Variants in CEMIP2 observed in about 807,000 individuals in gnomAD.
CEMIP2 encodes cell surface hyaluronidase CEMIP2.
CEMIP2 carries 79 observed loss-of-function variants against 146.9 expected under a neutral mutation model. That is an observed-to-expected ratio of 0.54 (90% CI 0.45 to 0.65). CEMIP2 has a LOEUF of 0.65. CEMIP2 is among the 30% of genes least tolerant of loss of function. CEMIP2 has a pLI of 0.00. For synonymous variants in CEMIP2, 601 were observed against 606.3 expected (o/e 0.99, Z 0.13); for missense variants, 1,596 against 1,696.2 (o/e 0.94, Z 1.04).
intron 11 of CEMIP2, among the ~76,000 whole-genome samples, chr9:71,724,999 G>C (rs1390231821): frequency 6.8e-6 from 1 of 147,172 alleles, no homozygotes; most frequent in African/African-American, 2.4e-5. Flanking sequence ...TAATTATTCA[G>C]GTTACACGTG....
Position 71,728,273 on chromosome 9 carries a change from A to ATACG in CEMIP2, c.2049+1571_2049+1572insCGTA, listed in dbSNP as rs1554684704. On this transcript the variant is annotated intron_variant, in intron 10 of 23. Transcript: ENST00000377044. ...TATGTATATACACGTATATATATAT[A>ATACG]TATATATGTATATATATATATATAT... 8.3e-4 allele frequency among the ~76,000 whole-genome samples: 8 copies of ATACG among 9,620 alleles called. 2 individuals carry two copies. Among genetic ancestry groups the ATACG allele is most frequent in the African/African-American group, 1.2e-3 (6 of 5,130 alleles). 6.3% of individuals were successfully genotyped at this position (9,620 alleles called of 152,430 possible).
At chr9:71,766,239 T>C (rs553806784) in intron 1 of CEMIP2, among the ~76,000 whole-genome samples, 19 of 151,970 alleles carry the variant, frequency 1.3e-4, no homozygotes, top group East Asian at 3.9e-4. Flanking sequence ...TGGCTAATTT[T>C]TTTTTGTATT....
intron 1 of CEMIP2, among the ~76,000 whole-genome samples, chr9:71,756,766 G>A (rs1206483242): frequency 6.6e-6 from 1 of 152,112 alleles, no homozygotes; most frequent in Non-Finnish European, 1.5e-5. Flanking sequence ...ATTAACAACT[G>A]CAGGAAGGAA....
chr9:71,727,175 A>G (rs1235709583), intron 10 of CEMIP2, among the ~76,000 whole-genome samples: 1 of 152,212 alleles, frequency 6.6e-6, no homozygotes, highest in African/African-American at 2.4e-5. Context: ...GAGCCACAGT[A>G]AGGGTATCTG....
At chr9:71,729,736 T>G (rs557090455) in intron 10 of CEMIP2, 109 bp downstream of exon 10, 3 of 1,023,850 alleles carry the variant, frequency 2.9e-6, no homozygotes, top group African/African-American at 3.2e-5. Flanking sequence ...CAGAAAACAA[T>G]GTCATGCTTG....
chr9:71,694,386 G>T, intron 21 of CEMIP2, 123 bp downstream of exon 21: 1 of 685,912 alleles, frequency 1.5e-6, no homozygotes, highest in Non-Finnish European at 2.6e-6. Flanking sequence ...GCCTCCCAAA[G>T]TGCTGGGATC....
At chr9:71,753,598 C>T (rs909133863) in intron 1 of CEMIP2, among the ~76,000 whole-genome samples, 2 of 152,058 alleles carry the variant, frequency 1.3e-5, no homozygotes, top group Admixed American at 1.3e-4. Flanking sequence ...ATACAAGATT[C>T]TTTTCATAAG....
intron 18 of CEMIP2, among the ~76,000 whole-genome samples, chr9:71,703,792 T>G (rs1231600820): frequency 6.6e-6 from 1 of 152,190 alleles, no homozygotes; most frequent in Non-Finnish European, 1.5e-5. Context: ...GAACTGGCCC[T>G]TTCCCAACAC....
intron 18 of CEMIP2, among the ~76,000 whole-genome samples, chr9:71,702,713 T>C (rs780764439): frequency 5.9e-5 from 9 of 152,184 alleles, no homozygotes; most frequent in Non-Finnish European, 2.9e-5. Flanking sequence ...GGTAAAAAAT[T>C]GTCCATCTCT....
chr9:71,716,514 A>G lies in CEMIP2; in HGVS notation c.2435+3T>C, dbSNP rs577030940. 2.5e-6 allele frequency: 4 copies of G among 1,589,976 alleles called. No individual in the cohort carries two copies. Among genetic ancestry groups the G allele is most frequent in the South Asian group, 1.2e-5 (1 of 86,156 alleles). ...AAGTAAGTATTTTTAAGCAATTACA[A>G]ACCTGGCAAAGGTCAGTCCTATTCC... On this transcript the variant is annotated splice_donor_region_variant and intron_variant, in intron 14 of 23. Coordinates refer to ENST00000377044, the MANE Select transcript of CEMIP2 (RefSeq NM_013390.3).
chr9:71,703,401 T>C (rs576309815), intron 18 of CEMIP2, among the ~76,000 whole-genome samples: 4 of 152,262 alleles, frequency 2.6e-5, no homozygotes, highest in African/African-American at 9.6e-5. Context: ...TCAGAGCACA[T>C]GCCAGAGCCC....
chr9:71,684,977 C>A lies in CEMIP2; in HGVS notation c.*220G>T, dbSNP rs1464056780. 3 of 481,486 alleles carry A rather than the reference C, an allele frequency of 6.2e-6. No individual in the cohort carries two copies. Among genetic ancestry groups the A allele is most frequent in the Non-Finnish European group, 1.1e-5 (3 of 273,826 alleles). The allele number at this position is 481,486 out of a possible 1,614,324, so 29.8% of individuals were successfully genotyped here. On this transcript the variant is annotated 3_prime_UTR_variant, in exon 24 of 24. Transcript: ENST00000377044. Reference sequence around the variant, plus strand: ...ATAAGAGATCTGCTCTCTGAATACACCAGCCTTACAAATACAAACAACGTC... The same window carrying A: ...ATAAGAGATCTGCTCTCTGAATACAACAGCCTTACAAATACAAACAACGTC...
rs891549071 is a variant in CEMIP2, at chr9:71,745,868, T to G, written c.473-289A>C. Among the ~76,000 whole-genome samples, 4 of 152,312 alleles carry G rather than the reference T, an allele frequency of 2.6e-5. No homozygotes were observed. In the South Asian group the frequency reaches 6.2e-4, roughly 24 times the overall value. Reference sequence around the variant, plus strand: ...TCTTATTTTTGTATATGTTTACTCATGTTAACTCTCAGAATTGTGACAAAA... The same window carrying G: ...TCTTATTTTTGTATATGTTTACTCAGGTTAACTCTCAGAATTGTGACAAAA... On this transcript the variant is annotated intron_variant, in intron 3 of 23. Transcript: ENST00000377044.
chr9:71,704,942 C>T (rs1822691781), intron 17 of CEMIP2, 139 bp from the exon 18 acceptor site: 6 of 720,256 alleles, frequency 8.3e-6, no homozygotes, highest in Non-Finnish European at 1.4e-5. Flanking sequence ...GAGCAGCAGC[C>T]AACTACATCC....
intron 17 of CEMIP2, among the ~76,000 whole-genome samples, chr9:71,707,196 C>T (rs962068998): frequency 2.0e-5 from 3 of 152,142 alleles, no homozygotes; most frequent in Non-Finnish European, 2.9e-5. Context: ...GATGGGTAAA[C>T]TTAATTTGGG....
chr9:71,734,024 A>G (rs1166576267), intron 6 of CEMIP2, among the ~76,000 whole-genome samples: 1 of 151,756 alleles, frequency 6.6e-6, no homozygotes, highest in Non-Finnish European at 1.5e-5. Flanking sequence ...TTTTTTGTAT[A>G]TTTAGTAGAG....
At chr9:71,714,442 C>T (rs1822992170) in intron 15 of CEMIP2, among the ~76,000 whole-genome samples, 1 of 152,064 alleles carries the variant, frequency 6.6e-6, no homozygotes, top group Non-Finnish European at 1.5e-5. Context: ...AATTAGACAG[C>T]TGTGGTGGGG....
At chr9:71,700,573 G>T in intron 19 of CEMIP2, 69 bp downstream of exon 19, 1 of 1,485,258 alleles carries the variant, frequency 6.7e-7, no homozygotes, top group Non-Finnish European at 9.1e-7. Flanking sequence ...CCGCGATGCT[G>T]AAGAACTAGC....
chr9:71,713,614 A>G (rs570661803), intron 15 of CEMIP2, among the ~76,000 whole-genome samples: 4 of 152,344 alleles, frequency 2.6e-5, no homozygotes, highest in Middle Eastern at 3.4e-3. Flanking sequence ...GGAGGTCAAT[A>G]TAAAATACAG....
Sources: gnomAD v4.1 joint callset for allele counts (sites outside exome capture counted in the v4.1 genomes callset) on GRCh38, gnomAD v4.1.1 for gene constraint, MANE v1.5 for transcripts, NCBI Gene and HGNC (gene_info 2026-07-23, HGNC 2026-07-21) for gene names.